The following EPB41L4A variants were observed in gnomAD, a reference collection of about 807,000 sequenced individuals.
The protein encoded by EPB41L4A is erythrocyte membrane protein band 4.1 like 4A, also known as band 4.1-like protein 4A.
EPB41L4A carries 100 observed loss-of-function variants against 108.6 expected under a neutral mutation model. That is an observed-to-expected ratio of 0.92 (90% CI 0.78 to 1.09). The LOEUF is 1.09. EPB41L4A is among the 50% of genes least tolerant of loss of function. The pLI is 0.00. For synonymous variants in EPB41L4A, 319 were observed against 289.0 expected, an observed-to-expected ratio of 1.10 and a Z score of -1.05; for missense variants, 1,030 against 842.7, an observed-to-expected ratio of 1.22 and a Z score of -2.75.
intron 1 of EPB41L4A, among the ~76,000 whole-genome samples, chr5:112,344,510 G>A (rs894026511): frequency 6.6e-6 from 1 of 152,226 alleles, no homozygotes; most frequent in African/African-American, 2.4e-5. Flanking sequence ...AACTTGGTTA[G>A]GCTATGCTCC....
At chr5:112,235,228 C>T (rs531904108) in intron 11 of EPB41L4A, among the ~76,000 whole-genome samples, 2 of 152,312 alleles carry the variant, frequency 1.3e-5, no homozygotes, top group South Asian at 4.1e-4. Flanking sequence ...TTACTATGCC[C>T]ACCCTGCCTG....
At chr5:112,402,931 A>G (rs933484305) in intron 1 of EPB41L4A, among the ~76,000 whole-genome samples, 1 of 152,088 alleles carries the variant, frequency 6.6e-6, no homozygotes, top group East Asian at 1.9e-4. Context: ...TCGTATGTTT[A>G]CTCTTAAACA....
chr5:112,316,929 C>T (rs577925810), intron 1 of EPB41L4A, among the ~76,000 whole-genome samples: 2 of 152,294 alleles, frequency 1.3e-5, no homozygotes, highest in South Asian at 2.1e-4. Flanking sequence ...AATCTGACTT[C>T]GTGACATGGT....
chr5:112,191,610 GA>G (rs2150254231), intron 17 of EPB41L4A, among the ~76,000 whole-genome samples: 1 of 150,808 alleles, frequency 6.6e-6, no homozygotes, highest in Admixed American at 6.6e-5. Flanking sequence ...TGACTTCGTG[GA>G]AAAAAGAAAA....
intron 7 of EPB41L4A, among the ~76,000 whole-genome samples, chr5:112,260,853 G>A (rs759177628): frequency 1.3e-5 from 2 of 152,106 alleles, no homozygotes; most frequent in South Asian, 4.1e-4. Flanking sequence ...ACATTTGGAG[G>A]AATACCTGCC....
chr5:112,396,569 G>A (rs1477500182), intron 1 of EPB41L4A, among the ~76,000 whole-genome samples: 6 of 152,204 alleles, frequency 3.9e-5, no homozygotes, highest in African/African-American at 1.2e-4. Flanking sequence ...GGTCTCTTGC[G>A]ACGTTATGGT....
intron 12 of EPB41L4A, among the ~76,000 whole-genome samples, chr5:112,225,943 G>A (rs1359487287): frequency 1.3e-5 from 2 of 152,232 alleles, no homozygotes; most frequent in African/African-American, 4.8e-5. Flanking sequence ...TCTTCTAAAA[G>A]AGTAAGCTAC....
At chr5:112,252,104 A>T (rs926727096) in intron 9 of EPB41L4A, among the ~76,000 whole-genome samples, 3 of 152,188 alleles carry the variant, frequency 2.0e-5, no homozygotes, top group Non-Finnish European at 4.4e-5. Context: ...GAAAGGACAT[A>T]CAAATATAAA....
At chr5:112,340,680 C>T (rs1376591670) in intron 1 of EPB41L4A, among the ~76,000 whole-genome samples, 5 of 152,068 alleles carry the variant, frequency 3.3e-5, no homozygotes, top group Non-Finnish European at 2.9e-5. Flanking sequence ...TTTATATTCG[C>T]TAGTTCTGAT....
At chr5:112,161,732 G>C (rs1759919574), downstream of EPB41L4A, 6 of 447,004 alleles carry the variant, frequency 1.3e-5, no homozygotes, top group South Asian at 8.5e-5. Context: ...AGTGTAGACT[G>C]CTGCTAGCTG....
At chr5:112,356,630 C>G (rs1223942448) in intron 1 of EPB41L4A, among the ~76,000 whole-genome samples, 3 of 152,154 alleles carry the variant, frequency 2.0e-5, no homozygotes, top group East Asian at 3.8e-4. Flanking sequence ...ACAACTCTCC[C>G]CTCTGCCATA....
At chr5:112,272,107 T>C (rs868270420) in intron 4 of EPB41L4A, among the ~76,000 whole-genome samples, 3 of 151,474 alleles carry the variant, frequency 2.0e-5, no homozygotes, top group South Asian at 2.1e-4. Flanking sequence ...ACCATATATA[T>C]GCACGAGAAG....
intron 3 of EPB41L4A, among the ~76,000 whole-genome samples, chr5:112,278,937 C>T (rs1005952522): frequency 6.6e-6 from 1 of 150,766 alleles, no homozygotes; most frequent in Admixed American, 6.6e-5. Context: ...TGGTGGTGGG[C>T]GCTTGTAATC....
intron 12 of EPB41L4A, chr5:112,228,886 G>GCA (rs1295145738): frequency 9.3e-6 from 2 of 215,704 alleles, no homozygotes; most frequent in Admixed American, 6.5e-5. Context: ...GCTGGGTGCA[G>GCA]GGCACTTGAT....
chr5:112,286,584 G>A lies in EPB41L4A; in HGVS notation c.205-6261C>T, dbSNP rs554101399. Among the ~76,000 whole-genome samples, 199 of 152,140 alleles carry A rather than the reference G, an allele frequency of 1.3e-3. 1 individual carries two copies. Among genetic ancestry groups the A allele is most frequent in the Non-Finnish European group, 2.4e-3 (166 of 68,002 alleles). On this transcript the variant is annotated intron_variant, in intron 2 of 22. Transcript: ENST00000261486. The stretch of plus-strand genomic sequence containing the variant: ...AATGCGTATGCATCCTGGCCCCGTC[G>A]ACCAACCTGCTTGCATCTGAGCTTG...
At chr5:112,247,078 A>G (rs1486886622) in intron 9 of EPB41L4A, among the ~76,000 whole-genome samples, 1 of 152,242 alleles carries the variant, frequency 6.6e-6, no homozygotes, top group Admixed American at 6.5e-5. Context: ...ATGTATACAC[A>G]ATGACAAAAT....
intron 1 of EPB41L4A, among the ~76,000 whole-genome samples, chr5:112,360,948 C>G (rs557801730): frequency 3.3e-5 from 5 of 152,112 alleles, no homozygotes; most frequent in Non-Finnish European, 7.4e-5. Context: ...AGGTGAGGAG[C>G]GTCTCTGACC....
chr5:112,359,189 A>G (rs989244590), intron 1 of EPB41L4A, among the ~76,000 whole-genome samples: 1 of 152,176 alleles, frequency 6.6e-6, no homozygotes, highest in Non-Finnish European at 1.5e-5. Flanking sequence ...TACTTCAATA[A>G]AACTGTTCCT....
At chr5:112,169,926 T>G (rs1272675440) in intron 20 of EPB41L4A, 2 of 213,476 alleles carry the variant, frequency 9.4e-6, no homozygotes, top group Non-Finnish European at 1.8e-5. Context: ...ATGTGCTGCT[T>G]CTATGCCAGG....
Sources: allele counts gnomAD v4.1 joint callset (sites outside exome capture counted in the v4.1 genomes callset), GRCh38; gene constraint gnomAD v4.1.1; transcripts MANE v1.5; gene names NCBI Gene and HGNC (gene_info 2026-07-23, HGNC 2026-07-21).